Variants in PRKG1 observed in about 807,000 individuals in gnomAD.
PRKG1 encodes cGMP-dependent protein kinase 1.
Under a neutral mutation model 88.1 loss-of-function variants are expected in PRKG1, and 35 were observed. That is an observed-to-expected ratio of 0.40 (90% CI 0.30 to 0.53). The LOEUF is 0.53. PRKG1 is among the 20% of genes least tolerant of loss of function. The pLI is 0.59. For synonymous variants in PRKG1, 303 were observed against 292.5 expected, an observed-to-expected ratio of 1.04 and a Z score of -0.37; for missense variants, 540 against 839.8, an observed-to-expected ratio of 0.64 and a Z score of 4.41.
chr10:52,002,425 C>T (rs1310160060), intron 5 of PRKG1, among the ~76,000 whole-genome samples: 1 of 152,100 alleles, frequency 6.6e-6, no homozygotes, highest in Non-Finnish European at 1.5e-5. Flanking sequence ...TCTTATAACA[C>T]ACTGGTGCCT....
chr10:51,891,718 G>C (rs528179440), intron 4 of PRKG1, among the ~76,000 whole-genome samples: 1 of 152,252 alleles, frequency 6.6e-6, no homozygotes, highest in East Asian at 1.9e-4. Context: ...TTGTCGCAAC[G>C]CAACTACTCA....
chr10:51,907,554 C>T lies in PRKG1; in HGVS notation c.746C>T (p.Ala249Val). ...CCTGAAGAGATCCTCAGCAAGCTTG[C>T]TGATGTCCTTGAAGAGGTAATTGTT... ...SLPEEILSKL[A>V]DVLEETHYEN... The change falls in exon 5 of 18, where the codon GCT becomes GTT. Residue 249 changes from alanine to valine, a missense_variant. This residue lies in a region of PRKG1 where 400 missense variants were observed against 562.7 expected (regional missense o/e 0.71). Transcript: ENST00000373980. 6.2e-7 allele frequency: 1 copy of T among 1,613,604 alleles called. No homozygotes were observed. Among genetic ancestry groups the T allele is most frequent in the Non-Finnish European group, 8.5e-7 (1 of 1,179,700 alleles).
At chr10:51,039,543 AC>A (rs1202614830) in intron 1 of PRKG1, among the ~76,000 whole-genome samples, 1 of 151,726 alleles carries the variant, frequency 6.6e-6, no homozygotes, top group Non-Finnish European at 1.5e-5. Flanking sequence ...TTGTGTCTTT[AC>A]TTTCTTGATT....
chr10:51,480,583 G>T (rs1370999559), intron 3 of PRKG1, among the ~76,000 whole-genome samples: 7 of 151,808 alleles, frequency 4.6e-5, no homozygotes, highest in Admixed American at 2.6e-4. Flanking sequence ...AGCTTAAAAG[G>T]TTGTGTAGGA....
At chr10:51,857,666 C>T (rs535130255) in intron 4 of PRKG1, among the ~76,000 whole-genome samples, 2 of 152,052 alleles carry the variant, frequency 1.3e-5, no homozygotes, top group Admixed American at 6.6e-5. Flanking sequence ...GGGCAATCAG[C>T]GGAAGGGAAA....
At chr10:52,141,342 C>T (rs1207223527) in intron 8 of PRKG1, among the ~76,000 whole-genome samples, 2 of 152,076 alleles carry the variant, frequency 1.3e-5, no homozygotes, top group Non-Finnish European at 2.9e-5. Context: ...GGTTTAAAGT[C>T]ATGGAAAGAG....
chr10:52,171,621 A>G (rs1053990225), intron 9 of PRKG1, among the ~76,000 whole-genome samples: 2 of 152,128 alleles, frequency 1.3e-5, no homozygotes, highest in East Asian at 3.8e-4. Flanking sequence ...TAAGGCCACC[A>G]ATGCTGATAG....
chr10:52,227,647 G>T (rs912736827), intron 9 of PRKG1, among the ~76,000 whole-genome samples: 10 of 152,020 alleles, frequency 6.6e-5, no homozygotes, highest in African/African-American at 2.4e-4. Context: ...ATTACCAAGG[G>T]ATGACTGTAT....
At chr10:51,066,687 A>T (rs367834323) in intron 1 of PRKG1, among the ~76,000 whole-genome samples, 196 of 152,248 alleles carry the variant, frequency 1.3e-3, no homozygotes, top group African/African-American at 4.5e-3. Context: ...TACAGTATGT[A>T]ATATTTTATG....
chr10:51,365,144 A>G (rs113246564), intron 2 of PRKG1, among the ~76,000 whole-genome samples: 3,186 of 151,948 alleles, frequency 0.021, 50 homozygotes, highest in Middle Eastern at 0.041. Context: ...AATTGATCTA[A>G]TATGTGTAAA....
At chr10:51,704,458 C>T (rs1022897773) in intron 3 of PRKG1, among the ~76,000 whole-genome samples, 1 of 152,170 alleles carries the variant, frequency 6.6e-6, no homozygotes, top group African/African-American at 2.4e-5. Flanking sequence ...AAAGACAAGA[C>T]ATGCTGCCAG....
At chr10:52,218,457 T>C (rs1440211276) in intron 9 of PRKG1, among the ~76,000 whole-genome samples, 6 of 152,006 alleles carry the variant, frequency 3.9e-5, no homozygotes, top group Non-Finnish European at 7.4e-5. Flanking sequence ...AGGCTTCTGG[T>C]TAAAAAAGAT....
At chr10:51,630,580 G>A (rs776310138) in intron 3 of PRKG1, among the ~76,000 whole-genome samples, 9 of 152,058 alleles carry the variant, frequency 5.9e-5, no homozygotes, top group Non-Finnish European at 1.2e-4. Context: ...ACATCCTCCC[G>A]AAAAATGTAT....
intron 3 of PRKG1, among the ~76,000 whole-genome samples, chr10:51,489,794 A>T (rs1333684046): frequency 1.3e-5 from 2 of 152,120 alleles, no homozygotes; most frequent in African/African-American, 2.4e-5. Flanking sequence ...TGTTGCAGTA[A>T]TTCAGGTGAA....
At chr10:51,109,301 G>A (rs1844921729) in intron 1 of PRKG1, among the ~76,000 whole-genome samples, 1 of 152,042 alleles carries the variant, frequency 6.6e-6, no homozygotes, top group South Asian at 2.1e-4. Flanking sequence ...GAAAAAAGGT[G>A]GAGGACTAAC....
intron 5 of PRKG1, among the ~76,000 whole-genome samples, chr10:51,932,170 A>AT (rs1221032897): frequency 1.3e-5 from 2 of 149,604 alleles, no homozygotes; most frequent in Admixed American, 6.7e-5. Context: ...ATTCAGTATC[A>AT]TTTTATCTTT....
chr10:51,035,353 G>A (rs1167632010), intron 1 of PRKG1, among the ~76,000 whole-genome samples: 1 of 152,158 alleles, frequency 6.6e-6, no homozygotes, highest in African/African-American at 2.4e-5. Context: ...TCTTAGAGCA[G>A]GAGACAGCAG....
At chr10:51,388,804 C>T (rs1837320072) in intron 2 of PRKG1, among the ~76,000 whole-genome samples, 1 of 152,194 alleles carries the variant, frequency 6.6e-6, no homozygotes, top group South Asian at 2.1e-4. Flanking sequence ...GGAATACCAA[C>T]CAGCAAGGTG....
intron 8 of PRKG1, among the ~76,000 whole-genome samples, chr10:52,151,056 T>A (rs1162505908): frequency 6.6e-6 from 1 of 152,188 alleles, no homozygotes; most frequent in East Asian, 1.9e-4. Flanking sequence ...TTTTAAATAA[T>A]TTGTAAGTAG....
Sources: gnomAD v4.1 joint callset for allele counts (sites outside exome capture counted in the v4.1 genomes callset) on GRCh38, gnomAD v4.1.1 for gene constraint, gnomAD v4.1.1 regional missense constraint, MANE v1.5 for transcripts, NCBI Gene and HGNC (gene_info 2026-07-23, HGNC 2026-07-21) for gene names.